The following CHM variants were observed in gnomAD, a reference collection of about 807,000 sequenced individuals.
CHM encodes CHM Rab escort protein, also known as rab proteins geranylgeranyltransferase component A 1.
Under a neutral mutation model 49.0 loss-of-function variants are expected in CHM, and 10 were observed. The ratio of observed to expected loss-of-function variants is 0.20; its 90% CI spans 0.13 to 0.35. CHM has a LOEUF of 0.35. Among genes scored for constraint, CHM ranks in the 10% least tolerant of loss-of-function variants. CHM has a pLI of 1.00. For synonymous variants in CHM, 184 were observed against 167.5 expected, an observed-to-expected ratio of 1.10 and a Z score of -0.76; for missense variants, 455 against 478.4, an observed-to-expected ratio of 0.95 and a Z score of 0.46.
intron 2 of CHM, among the ~76,000 whole-genome samples, chrX:86,001,373 T>C (rs890143870): frequency 9.0e-6 from 1 of 110,715 alleles, no homozygotes; most frequent in Non-Finnish European, 1.9e-5. Flanking sequence ...AAAAATACTA[T>C]ACTGCCAGTA....
intron 2 of CHM, among the ~76,000 whole-genome samples, chrX:86,017,575 C>T (rs762137087): frequency 5.4e-5 from 6 of 111,279 alleles, no homozygotes; most frequent in Admixed American, 4.8e-4. Flanking sequence ...TTTTGCCTCC[C>T]GCCATGATTC....
chrX:86,030,758 TGAGGAGTGCA>T (rs781499974), intron 1 of CHM, among the ~76,000 whole-genome samples: 3 of 110,058 alleles, frequency 2.7e-5, no homozygotes, highest in Non-Finnish European at 5.7e-5. Flanking sequence ...CAACCCTAAC[TGAGGAGTGCA>T]GAAGACGGAA....
At chrX:85,893,809 T>C (rs1427165010) in intron 12 of CHM, among the ~76,000 whole-genome samples, 1 of 111,353 alleles carries the variant, frequency 9.0e-6, no homozygotes, top group Non-Finnish European at 1.9e-5. Context: ...TATTGTTTAT[T>C]ATAAGTTACC....
intron 8 of CHM, among the ~76,000 whole-genome samples, chrX:85,943,307 G>A (rs1929228410): frequency 9.0e-6 from 1 of 111,292 alleles, no homozygotes; most frequent in Admixed American, 9.6e-5. Flanking sequence ...CTCAAAAGAA[G>A]ACATTTATGC....
At chrX:85,901,521 T>G (rs780226406) in intron 9 of CHM, among the ~76,000 whole-genome samples, 2 of 109,771 alleles carry the variant, frequency 1.8e-5, no homozygotes, top group South Asian at 7.5e-4. Context: ...GCATTCCCTT[T>G]GTTTAGAAAA....
intron 7 of CHM, among the ~76,000 whole-genome samples, chrX:85,957,129 T>C (rs1447025364): frequency 2.7e-5 from 3 of 112,417 alleles, no homozygotes; most frequent in Non-Finnish European, 5.6e-5. Flanking sequence ...GATTAGACTT[T>C]CATTATTTCA....
At chrX:85,882,748 G>A (rs1179684496) in intron 12 of CHM, among the ~76,000 whole-genome samples, 2 of 111,689 alleles carry the variant, frequency 1.8e-5, no homozygotes, top group East Asian at 5.6e-4. Flanking sequence ...AATGCTGATC[G>A]CTCTTACGAG....
chrX:86,027,168 G>T, intron 2 of CHM: 1 of 268,230 alleles, frequency 3.7e-6, no homozygotes, highest in Non-Finnish European at 6.7e-6. Context: ...ACACACATAT[G>T]TAGGAAAAGG....
chrX:86,040,066 C>T (rs918933896), intron 1 of CHM, among the ~76,000 whole-genome samples: 1 of 112,366 alleles, frequency 8.9e-6, no homozygotes, highest in Non-Finnish European at 1.9e-5. Context: ...CACAAAAAGG[C>T]TGTCACACTT....
chrX:85,908,477 G>A (rs1926738652), intron 9 of CHM, among the ~76,000 whole-genome samples: 1 of 111,692 alleles, frequency 9.0e-6, no homozygotes, highest in South Asian at 3.7e-4. Flanking sequence ...AATTATTACT[G>A]AAGGTATAAA....
intron 8 of CHM, among the ~76,000 whole-genome samples, chrX:85,934,536 T>TG (rs1330444748): frequency 9.5e-6 from 1 of 105,045 alleles, no homozygotes; most frequent in East Asian, 3.1e-4. Context: ...CATGTGGTGT[T>TG]TGGTTTTCTG....
chrX:85,927,874 T>C (rs190233292), intron 8 of CHM, among the ~76,000 whole-genome samples: 318 of 112,406 alleles, frequency 2.8e-3, no homozygotes, highest in Non-Finnish European at 4.4e-3. Context: ...TCAGCAGTTG[T>C]AATTTTCTTA....
chrX:86,009,509 A>G (rs1383410920), intron 2 of CHM, among the ~76,000 whole-genome samples: 1 of 112,501 alleles, frequency 8.9e-6, no homozygotes, highest in Non-Finnish European at 1.9e-5. Flanking sequence ...GAGAGAGCTT[A>G]CAGTCGTCCT....
intron 2 of CHM, among the ~76,000 whole-genome samples, chrX:86,009,183 C>A (rs758954859): frequency 8.9e-6 from 1 of 111,991 alleles, no homozygotes; most frequent in East Asian, 2.8e-4. Flanking sequence ...TATGTGCTAA[C>A]TGCTGTTGTT....
intron 8 of CHM, among the ~76,000 whole-genome samples, chrX:85,932,938 A>G (rs370455219): frequency 2.2e-4 from 25 of 112,126 alleles, no homozygotes; most frequent in African/African-American, 8.1e-4. Context: ...GGATCACTAC[A>G]GCCTGGCAGT....
At chrX:85,888,474 G>C (rs1925237517) in intron 12 of CHM, among the ~76,000 whole-genome samples, 1 of 111,489 alleles carries the variant, frequency 9.0e-6, no homozygotes, top group East Asian at 2.8e-4. Context: ...CATCCAGAAA[G>C]AATAAAAGAG....
chrX:85,968,550 T>C (rs183401111), intron 4 of CHM, among the ~76,000 whole-genome samples: 10 of 112,273 alleles, frequency 8.9e-5, no homozygotes. Context: ...CTCCCTTTGC[T>C]GGTGTTTGAT....
chrX:85,983,636 T>G (rs1448628363), intron 2 of CHM, among the ~76,000 whole-genome samples: 1 of 111,792 alleles, frequency 8.9e-6, no homozygotes, highest in Admixed American at 9.6e-5. Flanking sequence ...TTATTTGCAA[T>G]CAACATAAAG....
chrX:85,999,595 T>A (rs4332281), intron 2 of CHM, among the ~76,000 whole-genome samples: 11 of 111,166 alleles, frequency 9.9e-5, no homozygotes, highest in African/African-American at 3.3e-4. Flanking sequence ...TTACTACACC[T>A]CCATTTAACA....
Sources: gnomAD v4.1 joint callset for allele counts (sites outside exome capture counted in the v4.1 genomes callset) on GRCh38, gnomAD v4.1.1 for gene constraint, MANE v1.5 for transcripts, NCBI Gene and HGNC (gene_info 2026-07-23, HGNC 2026-07-21) for gene names.